SEC22A: variants seen among roughly 807,000 people sequenced by gnomAD.
SEC22A encodes the protein vesicle-trafficking protein SEC22a.
SEC22A carries 22 observed loss-of-function variants against 35.3 expected under a neutral mutation model. That is an observed-to-expected ratio of 0.62 (90% CI 0.45 to 0.89). The LOEUF (loss-of-function observed/expected upper bound fraction) is 0.89. SEC22A is among the 40% of genes least tolerant of loss of function. The pLI, the probability that SEC22A is intolerant of heterozygous loss-of-function variation, is 0.00. For missense variants in SEC22A, 354 were observed against 362.5 expected, an observed-to-expected ratio of 0.98 and a Z score of 0.19; for synonymous variants, 119 against 129.5, an observed-to-expected ratio of 0.92 and a Z score of 0.55.
At chr3:123,255,255 A>C (rs1937701192) in intron 5 of SEC22A, among the ~76,000 whole-genome samples, 1 of 152,124 alleles carries the variant, frequency 6.6e-6, no homozygotes, top group Non-Finnish European at 1.5e-5. Context: ...CATTTTTATG[A>C]AACTGTTTTC....
In SEC22A at chr3:123,202,689, G is replaced by C. The variant is rs1936770026; in HGVS notation, c.-20+703G>C. Among the ~76,000 whole-genome samples, 8 of 152,254 alleles carry C rather than the reference G, an allele frequency of 5.3e-5. No homozygotes were observed. The South Asian group carries it at 1.7e-3, about 32-fold the overall frequency. On this transcript the variant is annotated intron_variant, in intron 1 of 6. Coordinates refer to ENST00000492595, the MANE Select transcript of SEC22A (RefSeq NM_012430.5). ...AGACAGCTTAAGATAATTTTTCCCT[G>C]CTGCTTAGTTTCCTGGATCATCCAC...
At chr3:123,209,106 T>G in intron 1 of SEC22A, 93 bp from the exon 2 acceptor site, 1 of 982,686 alleles carries the variant, frequency 1.0e-6, no homozygotes, top group Non-Finnish European at 1.6e-6. Context: ...TTAATTACTA[T>G]TCTTATATTA....
At chr3:123,213,758 ACAGAATCT>A (rs1201344993) in intron 2 of SEC22A, among the ~76,000 whole-genome samples, 2 of 152,154 alleles carry the variant, frequency 1.3e-5, no homozygotes, top group African/African-American at 4.8e-5. Flanking sequence ...CTCTTTCTTT[ACAGAATCT>A]CAAAATCACT....
At chr3:123,228,562 C>T (rs980150238) in intron 4 of SEC22A, among the ~76,000 whole-genome samples, 13 of 139,378 alleles carry the variant, frequency 9.3e-5, no homozygotes, top group African/African-American at 1.9e-4. Flanking sequence ...GCAACGAGAG[C>T]GAAAACTCCA....
At chr3:123,219,681 A>G (rs1242101859) in intron 2 of SEC22A, among the ~76,000 whole-genome samples, 1 of 152,156 alleles carries the variant, frequency 6.6e-6, no homozygotes, top group African/African-American at 2.4e-5. Context: ...TACTCTTACT[A>G]CTATTTCTCT....
chr3:123,223,444 A>T, intron 2 of SEC22A, 115 bp from the exon 3 acceptor site: 2 of 749,444 alleles, frequency 2.7e-6, no homozygotes, highest in Non-Finnish European at 4.3e-6. Context: ...AATAAATGTT[A>T]AGATCTTCAT....
chr3:123,259,068 A>T (rs973068076), intron 5 of SEC22A, among the ~76,000 whole-genome samples: 2 of 152,174 alleles, frequency 1.3e-5, no homozygotes, highest in Non-Finnish European at 2.9e-5. Flanking sequence ...CACAGTTTTT[A>T]AAAAAATCAT....
chr3:123,211,706 G>T (rs902507620), intron 2 of SEC22A, among the ~76,000 whole-genome samples: 1 of 152,082 alleles, frequency 6.6e-6, no homozygotes, highest in Non-Finnish European at 1.5e-5. Context: ...TGATCCTCCT[G>T]CTTGGCCTCC....
chr3:123,255,675 G>T (rs993181835), intron 5 of SEC22A, among the ~76,000 whole-genome samples: 2 of 152,174 alleles, frequency 1.3e-5, no homozygotes, highest in Admixed American at 1.3e-4. Context: ...TTATGAAAAT[G>T]ATAGCATACT....
chr3:123,213,135 A>G (rs999562780), intron 2 of SEC22A, among the ~76,000 whole-genome samples: 2 of 152,194 alleles, frequency 1.3e-5, no homozygotes, highest in African/African-American at 4.8e-5. Context: ...TTTTGTACCA[A>G]ACCTTCAATA....
intron 5 of SEC22A, among the ~76,000 whole-genome samples, chr3:123,252,796 A>G (rs753074138): frequency 3.9e-5 from 6 of 152,232 alleles, no homozygotes; most frequent in Non-Finnish European, 8.8e-5. Context: ...ATTTATTCAA[A>G]TACGTAGCAC....
chr3:123,230,311 A>G (rs967579246), intron 4 of SEC22A, among the ~76,000 whole-genome samples: 2 of 152,220 alleles, frequency 1.3e-5, no homozygotes, highest in Non-Finnish European at 2.9e-5. Context: ...GTACTGGGAT[A>G]AGGAAATTAC....
At chr3:123,219,619 T>A (rs1201490568) in intron 2 of SEC22A, among the ~76,000 whole-genome samples, 1 of 152,218 alleles carries the variant, frequency 6.6e-6, no homozygotes, top group Non-Finnish European at 1.5e-5. Context: ...TGTAAAATAC[T>A]TAGCAAAGGG....
intron 6 of SEC22A, among the ~76,000 whole-genome samples, chr3:123,264,642 T>A (rs999642880): frequency 5.9e-4 from 85 of 145,006 alleles, no homozygotes; most frequent in African/African-American, 1.3e-3. Flanking sequence ...TTTTTTTTTT[T>A]AATTTGTGAC....
In SEC22A at chr3:123,245,934, A is replaced by G. The variant is rs757243419; in HGVS notation, c.577A>G (p.Ile193Val). The part of the protein sequence containing the change: ...QRLEPATLSG[I>V]VGFILSLLCG... Reference sequence around the variant, plus strand: ...ACTGGAACCAGCAACTCTGTCAGGGATTGTAGGATTTATCCTTAGTCTTTT... The same window carrying G: ...ACTGGAACCAGCAACTCTGTCAGGGGTTGTAGGATTTATCCTTAGTCTTTT... Residue 193 changes from isoleucine (I) to valine (V), a missense_variant, in exon 5 of 7, where the codon ATT becomes GTT. By Grantham distance (29) the Ile-to-Val change is conservative (BLOSUM62 3). Coordinates refer to ENST00000492595, the MANE Select transcript of SEC22A (RefSeq NM_012430.5). 6 of 1,612,288 alleles carry G rather than the reference A, an allele frequency of 3.7e-6. No individual in the cohort carries two copies. In the South Asian group the frequency reaches 6.6e-5, roughly 18 times the overall value.
chr3:123,236,354 A>C (rs1204685413), intron 4 of SEC22A, among the ~76,000 whole-genome samples: 1 of 152,202 alleles, frequency 6.6e-6, no homozygotes, highest in Non-Finnish European at 1.5e-5. Flanking sequence ...TAGAATATAT[A>C]TGTCTGATCT....
At chr3:123,218,030 T>G (rs1283959520) in intron 2 of SEC22A, among the ~76,000 whole-genome samples, 2 of 152,246 alleles carry the variant, frequency 1.3e-5, no homozygotes, top group African/African-American at 4.8e-5. Flanking sequence ...TTCGACAGTT[T>G]GTAAATCAAA....
At chr3:123,244,134 ATAGT>A (rs1256605764) in intron 4 of SEC22A, among the ~76,000 whole-genome samples, 7 of 152,242 alleles carry the variant, frequency 4.6e-5, no homozygotes, top group African/African-American at 1.4e-4. Flanking sequence ...AAAATAACAA[ATAGT>A]TAATACATTA....
At chr3:123,266,250 T>C (rs1938023542) in intron 6 of SEC22A, among the ~76,000 whole-genome samples, 1 of 144,906 alleles carries the variant, frequency 6.9e-6, no homozygotes, top group South Asian at 2.2e-4. Flanking sequence ...CTTTGTTTTA[T>C]TGTTTTTTCC....
Sources: gnomAD v4.1 joint callset for allele counts (sites outside exome capture counted in the v4.1 genomes callset) on GRCh38, gnomAD v4.1.1 for gene constraint, MANE v1.5 for transcripts, NCBI Gene and HGNC (gene_info 2026-07-23, HGNC 2026-07-21) for gene names.